The following RBFOX1 variants were observed in gnomAD, a reference collection of about 807,000 sequenced individuals.
RBFOX1 encodes the protein RNA binding fox-1 homolog 1.
Under a neutral mutation model 57.7 loss-of-function variants are expected in RBFOX1, and 8 were observed. The ratio of observed to expected loss-of-function variants is 0.14; its 90% CI spans 0.08 to 0.25. The LOEUF (loss-of-function observed/expected upper bound fraction) is 0.25. Among genes scored for constraint, RBFOX1 ranks in the 10% least tolerant of loss-of-function variants. The pLI, the probability that RBFOX1 is intolerant of heterozygous loss-of-function variation, is 1.00. For missense variants in RBFOX1, 611 were observed against 548.5 expected, an observed-to-expected ratio of 1.11 and a Z score of -1.14; for synonymous variants, 326 against 222.4, an observed-to-expected ratio of 1.47 and a Z score of -4.15.
chr16:7,112,291 C>T (rs530960577), intron 4 of RBFOX1, among the ~76,000 whole-genome samples: 1 of 152,176 alleles, frequency 6.6e-6, no homozygotes, highest in South Asian at 2.1e-4. Context: ...CAACCTCCAC[C>T]TTTTGGGTTC....
At chr16:6,466,653 T>C (rs1245155528) in intron 2 of RBFOX1, among the ~76,000 whole-genome samples, 1 of 152,196 alleles carries the variant, frequency 6.6e-6, no homozygotes, top group Non-Finnish European at 1.5e-5. Context: ...AAAGAATGTA[T>C]GTGACATGCA....
intron 4 of RBFOX1, among the ~76,000 whole-genome samples, chr16:7,193,912 C>T (rs781396345): frequency 1.3e-5 from 2 of 151,508 alleles, no homozygotes; most frequent in African/African-American, 4.8e-5. Context: ...ATAAGATATT[C>T]TAGTAGCAGT....
intron 4 of RBFOX1, among the ~76,000 whole-genome samples, chr16:7,370,654 T>C (rs1006286764): frequency 1.1e-4 from 17 of 152,234 alleles, no homozygotes; most frequent in Non-Finnish European, 2.2e-4. Flanking sequence ...ATGGGTGCCA[T>C]CCGCTATGAT....
chr16:7,006,400 G>A lies in RBFOX1; in HGVS notation c.-15-45657G>A, dbSNP rs369554895. Reference sequence around the variant, plus strand: ...GATTTTCTGACCTTGTGATCCACCCGCTTTGGCCTCCCAAAGTGCTGGGAT... The same window carrying A: ...GATTTTCTGACCTTGTGATCCACCCACTTTGGCCTCCCAAAGTGCTGGGAT... On this transcript the variant is annotated intron_variant, in intron 3 of 15. Transcript: ENST00000550418. 3.5e-4 allele frequency among the ~76,000 whole-genome samples: 54 copies of A among 152,114 alleles called. 2 individuals are homozygous for A. In the South Asian group the frequency reaches 8.1e-3, roughly 23 times the overall value.
chr16:7,150,434 C>T (rs1017383126), intron 4 of RBFOX1, among the ~76,000 whole-genome samples: 13 of 152,190 alleles, frequency 8.5e-5, no homozygotes, highest in African/African-American at 3.1e-4. Flanking sequence ...ACTGCTGAAT[C>T]ACACTCCATT....
intron 2 of RBFOX1, among the ~76,000 whole-genome samples, chr16:6,370,606 T>C (rs2090292109): frequency 6.6e-6 from 1 of 152,164 alleles, no homozygotes; most frequent in African/African-American, 2.4e-5. Flanking sequence ...TATTGTATGA[T>C]TCTACTTATT....
intron 4 of RBFOX1, among the ~76,000 whole-genome samples, chr16:7,511,284 C>G (rs909263407): frequency 2.6e-5 from 4 of 152,212 alleles, no homozygotes; most frequent in African/African-American, 9.6e-5. Context: ...ACTCTTGTTT[C>G]TCTTGTTAGT....
intron 3 of RBFOX1, among the ~76,000 whole-genome samples, chr16:5,758,366 C>T (rs1326331251): frequency 6.6e-6 from 1 of 152,112 alleles, no homozygotes; most frequent in African/African-American, 2.4e-5. Context: ...CCTGGAGATG[C>T]TCTTGTAACT....
chr16:6,551,536 GCA>G (rs1165394595), intron 2 of RBFOX1, among the ~76,000 whole-genome samples: 1 of 152,160 alleles, frequency 6.6e-6, no homozygotes, highest in Non-Finnish European at 1.5e-5. Context: ...CAGGCTGGTA[GCA>G]CACACATTCA....
chr16:7,266,950 GAGA>G (rs2095166867), intron 4 of RBFOX1, among the ~76,000 whole-genome samples: 1 of 151,988 alleles, frequency 6.6e-6, no homozygotes, highest in South Asian at 2.1e-4. Context: ...AATAGGGAGA[GAGA>G]AGATCATGTT....
At chr16:5,955,468 T>C (rs1218939962) in intron 4 of RBFOX1, among the ~76,000 whole-genome samples, 1 of 152,002 alleles carries the variant, frequency 6.6e-6, no homozygotes, top group Non-Finnish European at 1.5e-5. Flanking sequence ...ATTTCTGTTA[T>C]GGAAACCAGG....
chr16:5,971,325 C>A (rs530925567), intron 4 of RBFOX1, among the ~76,000 whole-genome samples: 3 of 152,062 alleles, frequency 2.0e-5, no homozygotes, highest in African/African-American at 7.2e-5. Flanking sequence ...CATGTGTGGA[C>A]GTTATCCTCA....
At chr16:7,150,322 C>T (rs1482113345) in intron 4 of RBFOX1, among the ~76,000 whole-genome samples, 6 of 152,200 alleles carry the variant, frequency 3.9e-5, no homozygotes, top group Admixed American at 3.9e-4. Flanking sequence ...TGTATGTCTT[C>T]ACGGTTGTGT....
At chr16:7,448,569 G>C (rs562304999) in intron 4 of RBFOX1, among the ~76,000 whole-genome samples, 1 of 152,114 alleles carries the variant, frequency 6.6e-6, no homozygotes, top group Non-Finnish European at 1.5e-5. Context: ...ACCTCCAACC[G>C]GGTCCCTCCC....
At chr16:6,843,587 G>A (rs1014724092) in intron 3 of RBFOX1, among the ~76,000 whole-genome samples, 12 of 152,266 alleles carry the variant, frequency 7.9e-5, no homozygotes, top group East Asian at 3.9e-4. Flanking sequence ...TACTCAGGAC[G>A]TTGAGGCAGG....
chr16:6,136,848 T>C (rs2096670926), intron 1 of RBFOX1, among the ~76,000 whole-genome samples: 1 of 152,216 alleles, frequency 6.6e-6, no homozygotes, highest in South Asian at 2.1e-4. Context: ...TTGTATAATA[T>C]TGAAAAATAG....
intron 2 of RBFOX1, among the ~76,000 whole-genome samples, chr16:5,520,607 G>A (rs866101156): frequency 7.2e-5 from 11 of 152,220 alleles, no homozygotes; most frequent in African/African-American, 2.7e-4. Context: ...GTCATGTTGA[G>A]GGAAAGGCTA....
chr16:7,489,731 G>A (rs955162491), intron 4 of RBFOX1, among the ~76,000 whole-genome samples: 3 of 149,800 alleles, frequency 2.0e-5, no homozygotes, highest in East Asian at 2.0e-4. Context: ...ATGTTGTTCC[G>A]GCTGATCTTC....
chr16:5,453,382 A>C (rs1443306151), intron 1 of RBFOX1, among the ~76,000 whole-genome samples: 1 of 152,180 alleles, frequency 6.6e-6, no homozygotes, highest in Non-Finnish European at 1.5e-5. Context: ...CTTAGATTCA[A>C]CTAAACATTT....
Sources: gnomAD v4.1 joint callset for allele counts (sites outside exome capture counted in the v4.1 genomes callset) on GRCh38, gnomAD v4.1.1 for gene constraint, MANE v1.5 for transcripts, NCBI Gene and HGNC (gene_info 2026-07-23, HGNC 2026-07-21) for gene names.